The following SLCO2B1 variants were observed in gnomAD, a reference collection of about 807,000 sequenced individuals.
The protein encoded by SLCO2B1 is OATP-RP2.
In SLCO2B1, 41 loss-of-function variants were observed where a neutral mutation model predicts 67.3. The observed-to-expected ratio is 0.61, with a 90% CI of 0.47 to 0.79. The LOEUF (loss-of-function observed/expected upper bound fraction) is 0.79. Ranked by LOEUF, SLCO2B1 falls within the 30% of genes least tolerant of loss-of-function variation. The pLI, the probability that SLCO2B1 is intolerant of heterozygous loss-of-function variation, is 0.00. For missense variants in SLCO2B1, 837 were observed against 920.1 expected (o/e 0.91, Z 1.17); for synonymous variants, 379 against 381.4 (o/e 0.99, Z 0.07).
chr11:75,168,747 G>C (rs966333172), intron 4 of SLCO2B1, among the ~76,000 whole-genome samples: 1 of 152,128 alleles, frequency 6.6e-6, no homozygotes, highest in African/African-American at 2.4e-5. Context: ...CCTGGGTTTT[G>C]CGTGTACTGT....
intron 1 of SLCO2B1, among the ~76,000 whole-genome samples, chr11:75,151,988 C>G (rs1949697363): frequency 6.6e-6 from 1 of 152,200 alleles, no homozygotes; most frequent in South Asian, 2.1e-4. Context: ...CAGGCAGCAT[C>G]AGAAGATCCA....
At chr11:75,165,636 C>T in intron 3 of SLCO2B1, 151 bp from the exon 4 acceptor site, 1 of 909,012 alleles carries the variant, frequency 1.1e-6, no homozygotes, top group South Asian at 1.7e-5. Context: ...TGCGGCCCTT[C>T]CGAGGGGGAC....
In SLCO2B1 at chr11:75,163,952, T is replaced by TC. The variant is rs1949854934; in HGVS notation, c.148-5dup. 1.9e-6 allele frequency: 3 copies of TC among 1,592,040 alleles called. No homozygotes were observed. Among genetic ancestry groups the TC allele is most frequent in the African/African-American group, 2.7e-5 (2 of 74,136 alleles). ...CCGCCCACCTCTGCCTGCCTCCGGG[T>TC]CCCCCCACAGCTGTTCGTTCTGTGC... On this transcript the variant is annotated splice_polypyrimidine_tract_variant and intron_variant, in intron 2 of 13. Transcript: ENST00000289575.
intron 10 of SLCO2B1, 64 bp downstream of exon 10, chr11:75,196,743 C>A: frequency 1.4e-6 from 2 of 1,459,296 alleles, no homozygotes; most frequent in Non-Finnish European, 9.4e-7. Context: ...TCTCTGTGGG[C>A]CTGTCATACT....
chr11:75,171,414 A>T (rs1949959626), intron 6 of SLCO2B1, among the ~76,000 whole-genome samples: 1 of 151,902 alleles, frequency 6.6e-6, no homozygotes, highest in Admixed American at 6.6e-5. Flanking sequence ...GCACCATCAC[A>T]CCTGGGTAAC....
rs1434147437 is a variant in SLCO2B1, at chr11:75,163,910, CTT to C, written c.148-51_148-50del. Reference sequence around the variant, plus strand: ...CTGCTCCCTCTGCCTCCTTCTGCCTCTTTGTCTCCCCCTGCACCGCCCACCTC... The same window carrying C: ...CTGCTCCCTCTGCCTCCTTCTGCCTCTGTCTCCCCCTGCACCGCCCACCTC... On this transcript the variant is annotated intron_variant, in intron 2 of 13. Coordinates refer to ENST00000289575, the MANE Select transcript of SLCO2B1 (RefSeq NM_007256.5). The C allele has an allele frequency of 2.6e-6, 4 of 1,550,504 alleles. No individual in the cohort carries two copies. The South Asian group carries it at 4.8e-5, about 19-fold the overall frequency.
At chr11:75,181,496 T>C (rs1269008050) in intron 7 of SLCO2B1, among the ~76,000 whole-genome samples, 1 of 152,174 alleles carries the variant, frequency 6.6e-6, no homozygotes, top group Non-Finnish European at 1.5e-5. Context: ...CTCTCATCCC[T>C]GTGGCTGCTT....
chr11:75,169,579 T>C, intron 5 of SLCO2B1, 87 bp from the exon 6 acceptor site: 1 of 1,269,494 alleles, frequency 7.9e-7, no homozygotes, highest in Non-Finnish European at 1.1e-6. Flanking sequence ...GGAGACAGAG[T>C]GTTCTTGCCC....
At chr11:75,199,189 C>G (rs183221510) in intron 10 of SLCO2B1, among the ~76,000 whole-genome samples, 1 of 152,222 alleles carries the variant, frequency 6.6e-6, no homozygotes, top group Admixed American at 6.5e-5. Flanking sequence ...AGGGGTCACA[C>G]AGCTTGTGTG....
intron 13 of SLCO2B1, chr11:75,203,690 C>G: frequency 2.3e-6 from 1 of 437,726 alleles, no homozygotes; most frequent in Non-Finnish European, 4.1e-6. Flanking sequence ...ACCACAGAGT[C>G]TATGCAGGAA....
chr11:75,183,949 G>A (rs191273312), intron 7 of SLCO2B1, among the ~76,000 whole-genome samples: 22 of 152,254 alleles, frequency 1.4e-4, no homozygotes, highest in South Asian at 1.0e-3. Flanking sequence ...AGGACTTGCC[G>A]GCAGGTCCCA....
chr11:75,200,404 G>T lies in SLCO2B1; in HGVS notation c.1763+17G>T. 6.4e-7 allele frequency: 1 copy of T among 1,572,692 alleles called. No homozygotes were observed. The highest frequency in any genetic ancestry group is 8.7e-7 in the Non-Finnish European group (1 of 1,155,098). ...CATCCTAAGGTGAAGGTGGGGGTGG[G>T]GCAGGGGCAGGTGGATACCAGGAGG... is the stretch of plus-strand genomic sequence containing the variant. On this transcript the variant is annotated intron_variant, in intron 11 of 13. Coordinates refer to ENST00000289575, the MANE Select transcript of SLCO2B1 (RefSeq NM_007256.5).
rs555898526 is a variant in SLCO2B1 at position 75,178,583 on chromosome 11, G to A, written c.972+6014G>A. 2.2e-4 allele frequency among the ~76,000 whole-genome samples: 33 copies of A among 152,204 alleles called. 1 individual carries two copies. The South Asian group carries it at 4.8e-3, about 22-fold the overall frequency. The stretch of plus-strand genomic sequence containing the variant: ...TGATCTATGTATGCATTGGGGAGTG[G>A]ATAAATCAAGCTGTTTAGCACATGC... On this transcript the variant is annotated intron_variant, in intron 7 of 13. Coordinates refer to ENST00000289575, the MANE Select transcript of SLCO2B1 (RefSeq NM_007256.5).
Position 75,164,221 on chromosome 11 carries a change from C to T in SLCO2B1, c.285+121C>T, listed in dbSNP as rs575959088. 2.6e-5 allele frequency: 29 copies of T among 1,111,594 alleles called. No homozygotes were observed. In the South Asian group the frequency reaches 4.4e-4, roughly 17 times the overall value. The allele number at this position is 1,111,594 out of a possible 1,614,324, so 68.9% of individuals were successfully genotyped here. On this transcript the variant is annotated intron_variant, in intron 3 of 13. Coordinates refer to ENST00000289575, the MANE Select transcript of SLCO2B1 (RefSeq NM_007256.5). Reference sequence around the variant, plus strand: ...TCCCCTCCCAGTGCCCTCAGGCAACCCCTGTCCCAGCGCCTGCCTGAAACC... The same window carrying T: ...TCCCCTCCCAGTGCCCTCAGGCAACTCCTGTCCCAGCGCCTGCCTGAAACC...
chr11:75,168,721 G>A (rs886301370), intron 4 of SLCO2B1, among the ~76,000 whole-genome samples: 2 of 152,154 alleles, frequency 1.3e-5, no homozygotes, highest in Admixed American at 6.5e-5. Context: ...CTCCCGGCAC[G>A]GTGCCCTTTC....
chr11:75,205,225 G>GCAAGGCC lies in SLCO2B1; in HGVS notation c.*646_*647insAAGGCCC, dbSNP rs1565554770. The GCAAGGCC allele has an allele frequency of 6.6e-6, 1 of 152,386 alleles. No homozygotes were observed. Among genetic ancestry groups the GCAAGGCC allele is most frequent in the East Asian group, 1.9e-4 (1 of 5,196 alleles). The allele number at this position is 152,386 out of a possible 1,614,324, so 9.4% of individuals were successfully genotyped here. ...CCAGACTTGGCAGGGCCTTCAAGAG[G>GCAAGGCC]CCTGTGTGGGGGCCCCAGGAATCCT... On this transcript the variant is annotated 3_prime_UTR_variant, in exon 14 of 14. Transcript: ENST00000289575.
At chr11:75,152,109 G>A (rs902908438) in intron 1 of SLCO2B1, among the ~76,000 whole-genome samples, 3 of 152,262 alleles carry the variant, frequency 2.0e-5, no homozygotes, top group Admixed American at 2.0e-4. Flanking sequence ...AGGTCTTGAA[G>A]CTCTGCCTGC....
Position 75,164,808 on chromosome 11 carries a change from C to T in SLCO2B1, c.285+708C>T, listed in dbSNP as rs533787354. On this transcript the variant is annotated intron_variant, in intron 3 of 13. Transcript: ENST00000289575. Reference sequence around the variant, plus strand: ...GTGTCCCCAGATCCTCCTCAGCACCCGCCTCATAGGTGGGAGGGGAAAGTC... The same window carrying T: ...GTGTCCCCAGATCCTCCTCAGCACCTGCCTCATAGGTGGGAGGGGAAAGTC... Among the ~76,000 whole-genome samples the T allele has an allele frequency of 5.9e-5, 9 of 152,304 alleles. 1 individual carries two copies. The highest frequency in any genetic ancestry group is 1.9e-4 in the African/African-American group (8 of 41,582).
chr11:75,180,143 A>T (rs1950076879), intron 7 of SLCO2B1, among the ~76,000 whole-genome samples: 1 of 152,026 alleles, frequency 6.6e-6, no homozygotes, highest in South Asian at 2.1e-4. Flanking sequence ...TCAGCCTCCC[A>T]AGTAGCTGGA....
Sources: gnomAD v4.1 joint callset for allele counts (sites outside exome capture counted in the v4.1 genomes callset) on GRCh38, gnomAD v4.1.1 for gene constraint, MANE v1.5 for transcripts, NCBI Gene and HGNC (gene_info 2026-07-23, HGNC 2026-07-21) for gene names.